SRPK2: variants seen among roughly 807,000 people sequenced by gnomAD.
SRPK2 encodes the protein SFRS protein kinase 2.
In SRPK2, 21 loss-of-function variants were observed where a neutral mutation model predicts 90.8. The observed-to-expected ratio is 0.23, with a 90% CI of 0.16 to 0.33. The LOEUF (loss-of-function observed/expected upper bound fraction) is 0.33. Among genes scored for constraint, SRPK2 ranks in the 10% least tolerant of loss-of-function variants. SRPK2 has a pLI of 1.00. For synonymous variants in SRPK2, 288 were observed against 311.1 expected (o/e 0.93, Z 0.78); for missense variants, 620 against 869.0 (o/e 0.71, Z 3.60).
intron 6 of SRPK2, among the ~76,000 whole-genome samples, chr7:105,161,191 C>T (rs1807591260): frequency 6.6e-6 from 1 of 152,130 alleles, no homozygotes; most frequent in African/African-American, 2.4e-5. Context: ...TCCCAAAGTG[C>T]TGGGATTACA....
intron 2 of SRPK2, among the ~76,000 whole-genome samples, chr7:105,331,058 T>A (rs1045209322): frequency 1.3e-5 from 2 of 151,798 alleles, no homozygotes; most frequent in Non-Finnish European, 2.9e-5. Context: ...TCCCAGCACT[T>A]TGGGAGGCCG....
At chr7:105,250,446 C>T (rs925592591) in intron 2 of SRPK2, among the ~76,000 whole-genome samples, 3 of 152,020 alleles carry the variant, frequency 2.0e-5, no homozygotes, top group Non-Finnish European at 2.9e-5. Flanking sequence ...CATCACTGGA[C>T]AAAAGTTGGC....
intron 2 of SRPK2, among the ~76,000 whole-genome samples, chr7:105,251,306 T>C (rs1802448642): frequency 6.6e-6 from 1 of 152,232 alleles, no homozygotes; most frequent in Non-Finnish European, 1.5e-5. Context: ...AAGTCTTTCA[T>C]TTATTCAAAC....
intron 2 of SRPK2, among the ~76,000 whole-genome samples, chr7:105,221,711 C>A (rs1378361955): frequency 6.6e-6 from 1 of 152,170 alleles, no homozygotes; most frequent in Admixed American, 6.5e-5. Context: ...TCTGTGGCGC[C>A]ACATCCCTCT....
intron 2 of SRPK2, among the ~76,000 whole-genome samples, chr7:105,235,442 C>T (rs1260241892): frequency 6.9e-6 from 1 of 144,302 alleles, no homozygotes; most frequent in African/African-American, 2.6e-5. Context: ...AGCATTTTCA[C>T]TTCTACGTTG....
chr7:105,286,282 G>C (rs895123417), intron 2 of SRPK2, among the ~76,000 whole-genome samples: 22 of 152,272 alleles, frequency 1.4e-4, no homozygotes, highest in African/African-American at 4.8e-4. Context: ...GTCGTATTCA[G>C]ACTTCAAGTT....
intron 13 of SRPK2, 52 bp downstream of exon 13, chr7:105,132,739 G>A (rs868660525): frequency 2.1e-6 from 3 of 1,429,328 alleles, no homozygotes; most frequent in Middle Eastern, 2.0e-4. Context: ...CATCCAGAGT[G>A]TGAAAGGAAC....
chr7:105,289,623 T>C (rs1490374279), intron 2 of SRPK2, among the ~76,000 whole-genome samples: 1 of 152,200 alleles, frequency 6.6e-6, no homozygotes, highest in African/African-American at 2.4e-5. Flanking sequence ...CACTAATTAT[T>C]CACTGGTTGA....
chr7:105,300,727 AAAG>A (rs1245920432), intron 2 of SRPK2, among the ~76,000 whole-genome samples: 14 of 152,350 alleles, frequency 9.2e-5, no homozygotes, highest in Admixed American at 7.8e-4. Flanking sequence ...ACACTTCTCA[AAAG>A]AAGACATTTA....
intron 2 of SRPK2, among the ~76,000 whole-genome samples, chr7:105,263,771 T>TG (rs943003380): frequency 2.6e-5 from 4 of 151,644 alleles, no homozygotes; most frequent in African/African-American, 9.7e-5. Context: ...ACAAAAACAC[T>TG]GAAAAAAAAT....
At chr7:105,211,379 A>G (rs148642331) in intron 2 of SRPK2, among the ~76,000 whole-genome samples, 134 of 152,146 alleles carry the variant, frequency 8.8e-4, no homozygotes, top group African/African-American at 3.2e-3. Context: ...ATAAGGAAAT[A>G]CCTGAGACTG....
Position 105,118,041 on chromosome 7 carries a change from G to A in SRPK2, c.1916-19C>T. The A allele has an allele frequency of 6.2e-7, 1 of 1,608,494 alleles. No individual in the cohort carries two copies. The highest frequency in any genetic ancestry group is 8.5e-7 in the Non-Finnish European group (1 of 1,176,376). On this transcript the variant is annotated intron_variant, in intron 15 of 15. Transcript: ENST00000393651. ...AGTTCTCCTACAGGGGAAAAAACAG[G>A]CCAATGTCAAGAAAGCTCCAAATCT...
rs572152014 is a variant in SRPK2 at position 105,362,108 on chromosome 7, G to A, written c.71+26540C>T. On this transcript the variant is annotated intron_variant, in intron 2 of 15. Coordinates refer to ENST00000393651, the MANE Select transcript of SRPK2 (RefSeq NM_182692.3). ...AGGGCTAATATCCAGAATCTACAAA[G>A]AACTTAAACAAATTTACCAGAAAAA... is the stretch of plus-strand genomic sequence containing the variant. 4.6e-5 allele frequency among the ~76,000 whole-genome samples: 7 copies of A among 152,000 alleles called. No individual in the cohort carries two copies. The South Asian group carries it at 1.2e-3, about 27-fold the overall frequency.
chr7:105,203,739 G>A lies in SRPK2; in HGVS notation c.118C>T (p.Pro40Ser). The A allele has an allele frequency of 6.2e-7, 1 of 1,607,306 alleles. No homozygotes were observed. The highest frequency in any genetic ancestry group is 8.5e-7 in the Non-Finnish European group (1 of 1,177,010). ...KAPLVPPPPP[P>S]PPPPPPPLPD... ...AAAGGTGGCGGTGGTGGTGGTGGTG[G>A]CGGTGGAGGAGGAGGAACTAAAGGA... Residue 40 changes from proline (P) to serine (S), a missense_variant, in exon 3 of 16, where the codon CCA becomes TCA. By Grantham distance (74) the Pro-to-Ser change is moderately conservative. Around this residue, in one of 8 missense-constraint regions of SRPK2, gnomAD observed 56 missense variants for 49.6 expected, o/e 1.13. Coordinates refer to ENST00000393651, the MANE Select transcript of SRPK2 (RefSeq NM_182692.3).
chr7:105,294,160 GC>G (rs1447731970), intron 2 of SRPK2, among the ~76,000 whole-genome samples: 4 of 152,142 alleles, frequency 2.6e-5, no homozygotes, highest in African/African-American at 9.7e-5. Flanking sequence ...GCATAATCAG[GC>G]CCAATCCCCA....
intron 2 of SRPK2, among the ~76,000 whole-genome samples, chr7:105,367,399 A>C (rs1180839473): frequency 1.3e-5 from 2 of 152,066 alleles, no homozygotes; most frequent in Non-Finnish European, 2.9e-5. Context: ...AGTAGCTGGG[A>C]CTATAGGCAC....
chr7:105,166,301 G>A (rs1790055264), intron 6 of SRPK2, among the ~76,000 whole-genome samples: 1 of 152,164 alleles, frequency 6.6e-6, no homozygotes. Flanking sequence ...ATTCAAATAT[G>A]TCTTTAAAAG....
chr7:105,397,674 C>T (rs1039966490), intron 1 of SRPK2, among the ~76,000 whole-genome samples: 5 of 151,610 alleles, frequency 3.3e-5, no homozygotes, highest in South Asian at 4.2e-4. Flanking sequence ...GACTGAGTCT[C>T]ACTCTATCAC....
chr7:105,315,423 T>G (rs1317051961), intron 2 of SRPK2, among the ~76,000 whole-genome samples: 1 of 152,198 alleles, frequency 6.6e-6, no homozygotes, highest in Admixed American at 6.5e-5. Context: ...CTGAACTAGA[T>G]AAGTGGTTTT....
Sources: allele counts gnomAD v4.1 joint callset (sites outside exome capture counted in the v4.1 genomes callset), GRCh38; gene constraint gnomAD v4.1.1; regional missense constraint gnomAD v4.1.1; transcripts MANE v1.5; gene names NCBI Gene and HGNC (gene_info 2026-07-23, HGNC 2026-07-21).